Variants in ATP1A4 observed in about 807,000 individuals in gnomAD.
ATP1A4 encodes the protein sodium/potassium-transporting ATPase subunit alpha-4.
ATP1A4 carries 90 observed loss-of-function variants against 114.3 expected under a neutral mutation model. The observed-to-expected ratio is 0.79, with a 90% CI of 0.66 to 0.94. ATP1A4 has a LOEUF of 0.94. ATP1A4 is among the 40% of genes least tolerant of loss of function. The pLI is 0.00. For synonymous variants in ATP1A4, 511 were observed against 494.1 expected (o/e 1.03, Z -0.45); for missense variants, 1,222 against 1,313.6 (o/e 0.93, Z 1.08).
chr1:160,159,427 A>G lies in ATP1A4; in HGVS notation c.679A>G (p.Thr227Ala), dbSNP rs1571013597. The G allele has an allele frequency of 6.2e-7, 1 of 1,613,440 alleles. No individual in the cohort carries two copies. The change falls in exon 6 of 22, where the codon ACT (threonine) becomes GCT (alanine). Residue 227 changes from threonine (T) to alanine (A), a missense_variant. By Grantham distance (58) the Thr-to-Ala change is moderately conservative. Coordinates refer to ENST00000368081, the MANE Select transcript of ATP1A4 (RefSeq NM_144699.4). ...ATCCCAGGTGGACAACTCATCCTTG[A>G]CTGGGGAGTCAGAACCCCAGAGCCG... ...QGCKVDNSSL[T>A]GESEPQSRSP...
intron 10 of ATP1A4, chr1:160,170,142 T>G (rs972777322): frequency 6.6e-6 from 1 of 151,698 alleles, no homozygotes; most frequent in Non-Finnish European, 1.5e-5. Context: ...ATGCAAAAAA[T>G]CAGCCAGGCA....
At chr1:160,177,394 A>G (rs1653510019) in intron 17 of ATP1A4, 125 bp from the exon 18 acceptor site, 2 of 944,062 alleles carry the variant, frequency 2.1e-6, no homozygotes. Context: ...ATTCTTCCGC[A>G]TTACTCTTCA....
intron 15 of ATP1A4, among the ~76,000 whole-genome samples, chr1:160,175,453 G>A (rs1413020682): frequency 6.6e-6 from 1 of 152,110 alleles, no homozygotes; most frequent in Non-Finnish European, 1.5e-5. Context: ...GAGGCACTAT[G>A]CTTGATGCTG....
chr1:160,161,638 G>T (rs923612396), intron 6 of ATP1A4, among the ~76,000 whole-genome samples: 2 of 152,026 alleles, frequency 1.3e-5, no homozygotes, highest in African/African-American at 4.8e-5. Context: ...TCCTCCACCC[G>T]GCCCAAAATA....
chr1:160,173,127 C>T (rs979713452), intron 12 of ATP1A4, among the ~76,000 whole-genome samples: 1 of 152,088 alleles, frequency 6.6e-6, no homozygotes, highest in Admixed American at 6.5e-5. Context: ...AAGCTGAAAC[C>T]AAGGCACAGG....
At position 160,159,433 on chromosome 1, in the gene ATP1A4, G is replaced by C; in HGVS notation, c.685G>C (p.Glu229Gln). ...CKVDNSSLTG[E>Q]SEPQSRSPDF... is the part of the protein sequence containing the mutation. ...GGTGGACAACTCATCCTTGACTGGG[G>C]AGTCAGAACCCCAGAGCCGCTCCCC... The change falls in exon 6 of 22, where the codon GAG (glutamate) becomes CAG (glutamine). Residue 229 changes from glutamate to glutamine, a missense_variant. Glu to Gln is a conservative substitution (Grantham distance 29). Transcript: ENST00000368081. 6.2e-7 allele frequency: 1 copy of C among 1,613,530 alleles called. No homozygotes were observed. The highest frequency in any genetic ancestry group is 8.5e-7 in the Non-Finnish European group (1 of 1,179,802).
chr1:160,182,300 G>A (rs897081730), intron 20 of ATP1A4, among the ~76,000 whole-genome samples: 1 of 152,186 alleles, frequency 6.6e-6, no homozygotes, highest in Non-Finnish European at 1.5e-5. Flanking sequence ...AATCTTTTTC[G>A]TGATGATGTG....
intron 7 of ATP1A4, among the ~76,000 whole-genome samples, chr1:160,166,302 A>T (rs77604810): frequency 6.6e-6 from 1 of 152,180 alleles, no homozygotes; most frequent in African/African-American, 2.4e-5. Context: ...CATTTTTTTT[A>T]AATACACTCT....
At chr1:160,176,012 TG>T in intron 15 of ATP1A4, 79 bp from the exon 16 acceptor site, 2 of 1,432,596 alleles carry the variant, frequency 1.4e-6, no homozygotes, top group Non-Finnish European at 2.0e-6. Context: ...TTCTTTGAGG[TG>T]GCCTGTCTGT....
chr1:160,174,684 C>T lies in ATP1A4; in HGVS notation c.2248C>T (p.Gln750Ter), dbSNP rs984445619. The part of the protein sequence containing the change: ...MGISGSDVSK[Q>*]AADMILLDDN... Reference sequence around the variant, plus strand: ...CATCTCTGGCTCTGACGTCTCTAAGCAGGCAGCCGACATGATCCTGCTGGA... The same window carrying T: ...CATCTCTGGCTCTGACGTCTCTAAGTAGGCAGCCGACATGATCCTGCTGGA... Residue 750 changes from glutamine to a stop codon, truncating the protein, a stop_gained, in exon 15 of 22, where the codon CAG (glutamine) becomes TAG (stop). Transcript: ENST00000368081. LOFTEE classifies it high-confidence loss of function. 6.2e-7 allele frequency: 1 copy of T among 1,614,212 alleles called. No homozygotes were observed. Among genetic ancestry groups the T allele is most frequent in the Non-Finnish European group, 8.5e-7 (1 of 1,180,040 alleles).
At chr1:160,180,925 A>G (rs1200050649) in intron 18 of ATP1A4, among the ~76,000 whole-genome samples, 1 of 151,846 alleles carries the variant, frequency 6.6e-6, no homozygotes, top group Non-Finnish European at 1.5e-5. Flanking sequence ...TGTGTTAGCC[A>G]GGATGGTCTT....
At chr1:160,163,320 G>A (rs2101632599) in intron 6 of ATP1A4, among the ~76,000 whole-genome samples, 1 of 152,294 alleles carries the variant, frequency 6.6e-6, no homozygotes, top group African/African-American at 2.4e-5. Flanking sequence ...TCCACCTGGA[G>A]ATAGCATCAG....
rs1171844005 is a variant in ATP1A4, at chr1:160,164,162, C to T, written c.785C>T (p.Ala262Val). 4 of 1,614,066 alleles carry T rather than the reference C, an allele frequency of 2.5e-6. No homozygotes were observed. Residue 262 changes from alanine to valine, a missense_variant, in exon 7 of 22, where the codon GCC becomes GTC. Coordinates refer to ENST00000368081, the MANE Select transcript of ATP1A4 (RefSeq NM_144699.4). ...TCTCCTGCTTCATCCACAGGAACCG[C>T]CCGGGGTATTGTGATTGCTACGGGA... ...FFSTNCVEGT[A>V]RGIVIATGDS... is the part of the protein sequence containing the mutation.
chr1:160,156,007 A>G, intron 3 of ATP1A4, 38 bp from the exon 4 acceptor site: 2 of 1,257,468 alleles, frequency 1.6e-6, no homozygotes, highest in Non-Finnish European at 1.2e-6. Flanking sequence ...GAAGACGACA[A>G]GGTCCCACTG....
At chr1:160,186,539 C>G in intron 21 of ATP1A4, 132 bp from the exon 22 acceptor site, 1 of 1,149,702 alleles carries the variant, frequency 8.7e-7, no homozygotes, top group Non-Finnish European at 1.3e-6. Flanking sequence ...CCCCTCTGCT[C>G]CATCTGACCC....
chr1:160,178,270 A>T (rs976269204), intron 18 of ATP1A4, among the ~76,000 whole-genome samples: 1 of 152,154 alleles, frequency 6.6e-6, no homozygotes, highest in African/African-American at 2.4e-5. Flanking sequence ...CAGGAGAATC[A>T]CTTGAACCCG....
rs774254301 is a variant in ATP1A4 at position 160,176,607 on chromosome 1, G to T, written c.2590+5G>T. 1.2e-6 allele frequency: 2 copies of T among 1,613,160 alleles called. No homozygotes were observed. The highest frequency in any genetic ancestry group is 2.2e-5 in the East Asian group (1 of 44,842). ...GCATGGCCTATGGACAGATTGGTGC[G>T]CCCAGAGGAATGAGGGGTGGAGGGA... is the stretch of plus-strand genomic sequence containing the variant. On this transcript the variant is annotated splice_donor_5th_base_variant and intron_variant, in intron 17 of 21. Coordinates refer to ENST00000368081, the MANE Select transcript of ATP1A4 (RefSeq NM_144699.4).
chr1:160,158,853 T>C, intron 4 of ATP1A4, 149 bp from the exon 5 acceptor site: 1 of 824,034 alleles, frequency 1.2e-6, no homozygotes, highest in Non-Finnish European at 1.8e-6. Context: ...ATTTGCAATC[T>C]GCCAAAGACA....
At chr1:160,156,540 A>G (rs996888674) in intron 4 of ATP1A4, among the ~76,000 whole-genome samples, 2 of 152,060 alleles carry the variant, frequency 1.3e-5, no homozygotes, top group Non-Finnish European at 2.9e-5. Flanking sequence ...AGCTGTGGGG[A>G]TGTTCCAGAT....
Sources: allele counts gnomAD v4.1 joint callset (sites outside exome capture counted in the v4.1 genomes callset), GRCh38; gene constraint gnomAD v4.1.1; transcripts MANE v1.5; gene names NCBI Gene and HGNC (gene_info 2026-07-23, HGNC 2026-07-21).